Variants in UBE2E1 observed in about 807,000 individuals in gnomAD.
UBE2E1 encodes the protein ubiquitin-conjugating enzyme E2 E1.
UBE2E1 carries 6 observed loss-of-function variants against 21.4 expected under a neutral mutation model. That is an observed-to-expected ratio of 0.28 (90% CI 0.15 to 0.55). The LOEUF (loss-of-function observed/expected upper bound fraction) is 0.55, where lower values mean the gene tolerates loss of function less well. Ranked by LOEUF, UBE2E1 falls within the 20% of genes least tolerant of loss-of-function variation. The pLI, the probability that UBE2E1 is intolerant of heterozygous loss-of-function variation, is 0.93. For missense variants in UBE2E1, 142 were observed against 236.5 expected (o/e 0.60, Z 2.62); for synonymous variants, 87 against 82.7 (o/e 1.05, Z -0.28).
At position 23,810,730 on chromosome 3, in the gene UBE2E1, C is replaced by T; in HGVS notation, c.153-730C>T. Reference sequence around the variant, plus strand: ...GAGAGCTGGGGCGGCGCGGAGCAGCCCCCGTGCGGGCACCCTGTTCCCCTC... The same window carrying T: ...GAGAGCTGGGGCGGCGCGGAGCAGCTCCCGTGCGGGCACCCTGTTCCCCTC... On this transcript the variant is annotated intron_variant, in intron 2 of 5. Transcript: ENST00000306627. The surrounding 1 kb of genome is among the most constrained non-coding windows in gnomAD (Gnocchi z 5.8). The T allele has an allele frequency of 2.5e-6, 1 of 402,468 alleles. No homozygotes were observed. Among genetic ancestry groups the T allele is most frequent in the Non-Finnish European group, 4.3e-6 (1 of 231,676 alleles). 24.9% of individuals were successfully genotyped at this position (402,468 alleles called of 1,614,324 possible). A position where few individuals can be genotyped will look rare whatever the true frequency, so the allele number is the denominator to read the frequency against.
At position 23,810,441 on chromosome 3, in the gene UBE2E1, C is replaced by A; in HGVS notation, c.153-1019C>A. 5 of 1,535,498 alleles carry A rather than the reference C, an allele frequency of 3.3e-6. No homozygotes were observed. The highest frequency in any genetic ancestry group is 4.4e-6 in the Non-Finnish European group (5 of 1,146,516). On this transcript the variant is annotated intron_variant, in intron 2 of 5. Transcript: ENST00000306627. The surrounding 1 kb of genome is among the most constrained non-coding windows in gnomAD (Gnocchi z 5.8). Reference sequence around the variant, plus strand: ...TGCGGAGGGAGAAAACTGCAGGTCTCCAGTCTATCCCCAGTGTGAGCTAGA... The same window carrying A: ...TGCGGAGGGAGAAAACTGCAGGTCTACAGTCTATCCCCAGTGTGAGCTAGA...
intron 3 of UBE2E1, among the ~76,000 whole-genome samples, chr3:23,883,634 A>G (rs559016145): frequency 3.9e-4 from 60 of 152,202 alleles, no homozygotes; most frequent in Admixed American, 8.5e-4. Context: ...CTTGATATTC[A>G]GGGCTGAGCA....
chr3:23,807,449 G>C (rs772767761), intron 2 of UBE2E1, 28 bp downstream of exon 2: 1 of 1,595,218 alleles, frequency 6.3e-7, no homozygotes, highest in African/African-American at 1.4e-5. Context: ...TTTTCCACAG[G>C]CTTCCTATTT....
intron 3 of UBE2E1, chr3:23,879,350 A>G: frequency 4.7e-6 from 3 of 642,508 alleles, no homozygotes; most frequent in African/African-American, 1.9e-5. Context: ...ATCTTTTGGT[A>G]GGTACAGTAT....
At chr3:23,868,553 T>A (rs899805846) in intron 3 of UBE2E1, among the ~76,000 whole-genome samples, 2 of 152,132 alleles carry the variant, frequency 1.3e-5, no homozygotes, top group African/African-American at 4.8e-5. Flanking sequence ...GTGATCCGCC[T>A]GCCTCAGCCT....
At chr3:23,830,375 A>G (rs1380982626) in intron 3 of UBE2E1, among the ~76,000 whole-genome samples, 5 of 152,032 alleles carry the variant, frequency 3.3e-5, no homozygotes, top group African/African-American at 1.2e-4. Flanking sequence ...ATCACAAATA[A>G]TAAAGGATTT....
chr3:23,888,108 C>CA, intron 4 of UBE2E1: 2 of 410,136 alleles, frequency 4.9e-6, no homozygotes, highest in Non-Finnish European at 9.6e-6. Flanking sequence ...GTCTGGGCAA[C>CA]AAAGCAAGAC....
rs192775374 is a variant in UBE2E1 at position 23,869,060 on chromosome 3, C to T, written c.204-18507C>T. Among the ~76,000 whole-genome samples, 38 of 152,198 alleles carry T rather than the reference C, an allele frequency of 2.5e-4. 1 individual carries two copies. Among genetic ancestry groups the T allele is most frequent in the Admixed American group, 2.2e-3 (34 of 15,276 alleles). ...TATCCTTATACTATAGTCACATGCA[C>T]GTGTCCAGTTATTTCCTTAGGGTAA... is the stretch of plus-strand genomic sequence containing the variant. On this transcript the variant is annotated intron_variant, in intron 3 of 5. Coordinates refer to ENST00000306627, the MANE Select transcript of UBE2E1 (RefSeq NM_003341.5).
At chr3:23,885,764 G>A (rs1701167014) in intron 3 of UBE2E1, among the ~76,000 whole-genome samples, 2 of 152,148 alleles carry the variant, frequency 1.3e-5, no homozygotes, top group South Asian at 4.1e-4. Context: ...GGAGGCTGAG[G>A]CAAGAGAATC....
intron 3 of UBE2E1, among the ~76,000 whole-genome samples, chr3:23,844,694 G>C (rs1459636559): frequency 1.3e-5 from 2 of 152,142 alleles, no homozygotes; most frequent in African/African-American, 2.4e-5. Flanking sequence ...CCTCTTAGGT[G>C]CGTTCTGATT....
chr3:23,879,078 A>G, intron 3 of UBE2E1: 2 of 498,572 alleles, frequency 4.0e-6, no homozygotes, highest in South Asian at 3.2e-5. Context: ...AGTTCCTGAG[A>G]GAATGAGTTC....
intron 3 of UBE2E1, among the ~76,000 whole-genome samples, chr3:23,812,517 A>C (rs1381211511): frequency 6.6e-6 from 1 of 152,242 alleles, no homozygotes; most frequent in African/African-American, 2.4e-5. Flanking sequence ...TTAGTGGATT[A>C]AATACAAAAC....
At chr3:23,871,361 C>T (rs1488637638) in intron 3 of UBE2E1, among the ~76,000 whole-genome samples, 5 of 143,748 alleles carry the variant, frequency 3.5e-5, no homozygotes, top group African/African-American at 1.1e-4. Flanking sequence ...ACCTCCCGGA[C>T]GGGGCGGCTG....
At chr3:23,879,278 C>T in intron 3 of UBE2E1, 1 of 864,948 alleles carries the variant, frequency 1.2e-6, no homozygotes, top group Admixed American at 2.0e-5. Context: ...CACCTACATC[C>T]CAGAAGTGAA....
intron 3 of UBE2E1, among the ~76,000 whole-genome samples, chr3:23,859,885 TTTATTATA>T (rs1700515389): frequency 6.6e-6 from 1 of 152,206 alleles, no homozygotes; most frequent in East Asian, 1.9e-4. Context: ...TTTTTATTGG[TTTATTATA>T]TTATTATAAA....
At position 23,823,850 on chromosome 3, in the gene UBE2E1, C is replaced by G. The variant is rs1333351015; in HGVS notation, c.203+12340C>G. On this transcript the variant is annotated intron_variant, in intron 3 of 5. Coordinates refer to ENST00000306627, the MANE Select transcript of UBE2E1 (RefSeq NM_003341.5). This position sits in a 1 kb window ranked among gnomAD's most constrained non-coding sequence, Gnocchi z 4.2. The stretch of plus-strand genomic sequence containing the variant: ...TGCTAGTATATCACACTGCTTTGGC[C>G]TTTTTCTGAGTAACCCTCTCTCTGG... Among the ~76,000 whole-genome samples the G allele has an allele frequency of 6.6e-6, 1 of 152,204 alleles. No homozygotes were observed. The highest frequency in any genetic ancestry group is 1.5e-5 in the Non-Finnish European group (1 of 68,036).
intron 3 of UBE2E1, among the ~76,000 whole-genome samples, chr3:23,812,598 C>T (rs1699423601): frequency 6.6e-6 from 1 of 152,158 alleles, no homozygotes; most frequent in Non-Finnish European, 1.5e-5. Context: ...AAACTTTGTC[C>T]TGTTTTGTAA....
intron 3 of UBE2E1, among the ~76,000 whole-genome samples, chr3:23,827,017 C>G (rs535379986): frequency 1.3e-5 from 2 of 152,194 alleles, no homozygotes; most frequent in Admixed American, 6.5e-5. Flanking sequence ...TTTCTCATGA[C>G]TCCTCCCTCT....
intron 3 of UBE2E1, among the ~76,000 whole-genome samples, chr3:23,871,106 T>G (rs918997886): frequency 6.6e-6 from 1 of 152,200 alleles, no homozygotes; most frequent in Non-Finnish European, 1.5e-5. Context: ...AACCATCCGA[T>G]TTCTCAATCT....
Sources: gnomAD v4.1 joint callset for allele counts (sites outside exome capture counted in the v4.1 genomes callset) on GRCh38, gnomAD v4.1.1 for gene constraint, Gnocchi (gnomAD v3.1) non-coding constraint, MANE v1.5 for transcripts, NCBI Gene and HGNC (gene_info 2026-07-23, HGNC 2026-07-21) for gene names.